The following LUZP2 variants were observed in gnomAD, a reference collection of about 807,000 sequenced individuals.
LUZP2 encodes the protein leucine zipper protein 2.
In LUZP2, 52 loss-of-function variants were observed where a neutral mutation model predicts 51.6. The ratio of observed to expected loss-of-function variants is 1.01; its 90% CI spans 0.81 to 1.27. LUZP2 has a LOEUF of 1.27. LUZP2 is among the 50% of genes most tolerant of loss of function. The pLI is 0.00. For synonymous variants in LUZP2, 154 were observed against 137.3 expected, an observed-to-expected ratio of 1.12 and a Z score of -0.85; for missense variants, 436 against 395.4, an observed-to-expected ratio of 1.10 and a Z score of -0.87.
chr11:24,727,734 A>G (rs1336245840), intron 1 of LUZP2, among the ~76,000 whole-genome samples: 4 of 152,188 alleles, frequency 2.6e-5, no homozygotes, highest in East Asian at 3.9e-4. Flanking sequence ...ACTACTGTTC[A>G]TCAGTGAAAT....
chr11:24,817,700 GGTTCAAGATGCAGATTT>G (rs149817369), intron 5 of LUZP2, among the ~76,000 whole-genome samples: 1,709 of 152,002 alleles, frequency 0.011, 40 homozygotes, highest in African/African-American at 0.038. Context: ...TCTAATCTGT[GGTTCAAGATGCAGATTT>G]GTCCTCAGTA....
intron 1 of LUZP2, among the ~76,000 whole-genome samples, chr11:24,555,151 G>T (rs1262580866): frequency 6.6e-6 from 1 of 152,070 alleles, no homozygotes; most frequent in Non-Finnish European, 1.5e-5. Context: ...AGAAATATTT[G>T]ATGAAAAAGC....
chr11:24,769,789 TTTTG>T (rs1175947198), intron 5 of LUZP2, among the ~76,000 whole-genome samples: 6 of 149,544 alleles, frequency 4.0e-5, no homozygotes, highest in African/African-American at 7.7e-5. Context: ...AAATTCTCTT[TTTTG>T]TTTGTTTGTT....
chr11:24,983,236 G>A lies in LUZP2; in HGVS notation c.708G>A (p.Met236Ile), dbSNP rs756748787. The A allele has an allele frequency of 2.0e-5, 33 of 1,612,192 alleles. No individual in the cohort carries two copies. In the South Asian group the frequency reaches 2.5e-4, roughly 12 times the overall value. ...LSLITSNPTR[M>I]LLPPRNIASK... ...TAATCACATCAAATCCAACTCGGATGTTACTCCCACCCAGGAATATTGCCT... is the reference window on the plus strand; with the variant it reads ...TAATCACATCAAATCCAACTCGGATATTACTCCCACCCAGGAATATTGCCT... Residue 236 changes from methionine to isoleucine, a missense_variant, in exon 9 of 12, where the codon ATG (methionine) becomes ATA (isoleucine). Transcript: ENST00000336930.
intron 1 of LUZP2, among the ~76,000 whole-genome samples, chr11:24,602,060 G>A (rs1000554908): frequency 4.3e-5 from 6 of 140,830 alleles, no homozygotes; most frequent in Non-Finnish European, 7.6e-5. Flanking sequence ...GTGTATATAT[G>A]TGTATATATA....
At chr11:25,077,960 G>A (rs768664604) in intron 11 of LUZP2, among the ~76,000 whole-genome samples, 1 of 152,116 alleles carries the variant, frequency 6.6e-6, no homozygotes, top group African/African-American at 2.4e-5. Flanking sequence ...AAGGTCAAGG[G>A]TGAGGGGAGT....
At position 24,497,208 on chromosome 11, in the gene LUZP2, G is replaced by A. The variant is rs1296254262; in HGVS notation, c.-36G>A. On this transcript the variant is annotated 5_prime_UTR_variant, in exon 1 of 12. Coordinates refer to ENST00000336930, the MANE Select transcript of LUZP2 (RefSeq NM_001009909.4). ...CAGGATCCCGAAGAGAGAGAGAGAA[G>A]GCAGCGAGGGAAGGAGGACCCCGGC... 5.3e-6 allele frequency: 8 copies of A among 1,503,282 alleles called. No individual in the cohort carries two copies. The highest frequency in any genetic ancestry group is 7.2e-6 in the Non-Finnish European group (8 of 1,116,498). The allele number at this position is 1,503,282 out of a possible 1,614,324, so 93.1% of individuals were successfully genotyped here.
At chr11:24,865,672 A>C (rs528218948) in intron 5 of LUZP2, among the ~76,000 whole-genome samples, 1 of 151,620 alleles carries the variant, frequency 6.6e-6, no homozygotes, top group South Asian at 2.1e-4. Context: ...CACCAAATAC[A>C]TTTGTGTGTG....
intron 5 of LUZP2, among the ~76,000 whole-genome samples, chr11:24,779,816 G>A (rs1226127424): frequency 1.3e-5 from 2 of 151,872 alleles, no homozygotes; most frequent in African/African-American, 4.9e-5. Context: ...TAAGAGAAAG[G>A]CAGAGAGAGA....
chr11:24,699,358 C>A (rs1475112138), intron 1 of LUZP2, among the ~76,000 whole-genome samples: 1 of 152,044 alleles, frequency 6.6e-6, no homozygotes, highest in Non-Finnish European at 1.5e-5. Context: ...GAATTCCCTG[C>A]ATAGTTTTTT....
chr11:25,017,316 T>A (rs893880708), intron 9 of LUZP2, among the ~76,000 whole-genome samples: 3 of 152,154 alleles, frequency 2.0e-5, no homozygotes, highest in Non-Finnish European at 4.4e-5. Context: ...TTGCTTTCCC[T>A]TTGGGGACTT....
At chr11:24,894,911 T>C (rs1852986735) in intron 5 of LUZP2, among the ~76,000 whole-genome samples, 1 of 152,142 alleles carries the variant, frequency 6.6e-6, no homozygotes, top group African/African-American at 2.4e-5. Flanking sequence ...AAAATAGTTA[T>C]TAGACACATA....
chr11:24,664,460 A>C (rs1856143008), intron 1 of LUZP2, among the ~76,000 whole-genome samples: 1 of 152,148 alleles, frequency 6.6e-6, no homozygotes, highest in African/African-American at 2.4e-5. Flanking sequence ...AAATTTGAGG[A>C]GCCAAGTGTT....
At chr11:24,992,348 T>G (rs1227566437) in intron 9 of LUZP2, among the ~76,000 whole-genome samples, 1 of 152,104 alleles carries the variant, frequency 6.6e-6, no homozygotes, top group African/African-American at 2.4e-5. Context: ...TGTGTGTGTA[T>G]GTGTCTGTGT....
intron 6 of LUZP2, among the ~76,000 whole-genome samples, chr11:24,912,456 A>C (rs1255012529): frequency 6.6e-6 from 1 of 152,030 alleles, no homozygotes; most frequent in Non-Finnish European, 1.5e-5. Context: ...ATGATTGAAA[A>C]ATTATTGTGC....
At chr11:24,941,257 C>T (rs1490923292) in intron 7 of LUZP2, among the ~76,000 whole-genome samples, 1 of 152,098 alleles carries the variant, frequency 6.6e-6, no homozygotes, top group East Asian at 1.9e-4. Context: ...ATTTTTAATA[C>T]TAAGTATGTT....
At chr11:25,030,250 G>T (rs958657931) in intron 9 of LUZP2, among the ~76,000 whole-genome samples, 3 of 152,178 alleles carry the variant, frequency 2.0e-5, no homozygotes, top group Non-Finnish European at 4.4e-5. Context: ...TTTATTTCAA[G>T]GATATCTTTG....
chr11:24,689,804 T>C (rs1166174146), intron 1 of LUZP2, among the ~76,000 whole-genome samples: 1 of 152,170 alleles, frequency 6.6e-6, no homozygotes, highest in African/African-American at 2.4e-5. Flanking sequence ...TTCTTAAGCA[T>C]TCACTCCTTT....
chr11:24,968,569 A>C (rs1855654596), intron 7 of LUZP2, among the ~76,000 whole-genome samples: 1 of 151,924 alleles, frequency 6.6e-6, no homozygotes, highest in Non-Finnish European at 1.5e-5. Context: ...AGCCATGTAG[A>C]ATTTGTTCTA....
Sources: allele counts gnomAD v4.1 joint callset (sites outside exome capture counted in the v4.1 genomes callset), GRCh38; gene constraint gnomAD v4.1.1; transcripts MANE v1.5; gene names NCBI Gene and HGNC (gene_info 2026-07-23, HGNC 2026-07-21).